Variants in RBM33 observed in about 807,000 individuals in gnomAD.
The protein encoded by RBM33 is RNA binding motif protein 33, also known as RNA-binding protein 33.
RBM33 carries 28 observed loss-of-function variants against 132.6 expected under a neutral mutation model. That is an observed-to-expected ratio of 0.21 (90% CI 0.16 to 0.29). The LOEUF is 0.29. Among genes scored for constraint, RBM33 ranks in the 10% least tolerant of loss-of-function variants. The pLI, the probability that RBM33 is intolerant of heterozygous loss-of-function variation, is 1.00. For missense variants in RBM33, 1,291 were observed against 1,518.5 expected (o/e 0.85, Z 2.49); for synonymous variants, 634 against 593.0 (o/e 1.07, Z -1.01).
chr7:155,672,025 C>T (rs367813479), intron 2 of RBM33, among the ~76,000 whole-genome samples: 23 of 152,070 alleles, frequency 1.5e-4, no homozygotes, highest in African/African-American at 3.9e-4. Flanking sequence ...ATCACTGATA[C>T]GACATCCATG....
chr7:155,691,530 C>T (rs1032669169), intron 5 of RBM33, among the ~76,000 whole-genome samples: 4 of 151,862 alleles, frequency 2.6e-5, no homozygotes, highest in African/African-American at 7.3e-5. Context: ...TTTATTCTTC[C>T]CTGATACTCT....
chr7:155,718,765 G>T (rs938436984), intron 9 of RBM33, among the ~76,000 whole-genome samples: 6 of 152,126 alleles, frequency 3.9e-5, no homozygotes, highest in Non-Finnish European at 7.3e-5. Context: ...GAGGTGGGGG[G>T]TGTATGTGTG....
chr7:155,714,162 CT>C (rs1169965396), intron 8 of RBM33, among the ~76,000 whole-genome samples: 31 of 152,112 alleles, frequency 2.0e-4, no homozygotes, highest in African/African-American at 7.0e-4. Flanking sequence ...GGTTGTGTGT[CT>C]CTGTCCAGCT....
At chr7:155,655,527 T>G (rs1379317254) in intron 1 of RBM33, among the ~76,000 whole-genome samples, 1 of 147,796 alleles carries the variant, frequency 6.8e-6, no homozygotes, top group East Asian at 2.0e-4. Context: ...GTATTAAGGC[T>G]GTTTGCCTTT....
chr7:155,658,423 T>C (rs1317506526), intron 1 of RBM33, among the ~76,000 whole-genome samples: 1 of 148,618 alleles, frequency 6.7e-6, no homozygotes, highest in Non-Finnish European at 1.5e-5. Context: ...AGTGTCTCTC[T>C]GTCGCCCAGG....
At chr7:155,659,732 A>G (rs944727584) in intron 1 of RBM33, among the ~76,000 whole-genome samples, 46 of 152,354 alleles carry the variant, frequency 3.0e-4, no homozygotes, top group African/African-American at 1.1e-3. Flanking sequence ...ATAGGAATCT[A>G]TACATCCAAG....
chr7:155,760,344 G>T (rs1048302163), intron 14 of RBM33, among the ~76,000 whole-genome samples: 2 of 152,310 alleles, frequency 1.3e-5, no homozygotes, highest in East Asian at 3.9e-4. Context: ...ACCTTCCACA[G>T]TCCATGCATT....
chr7:155,736,871 T>G (rs960335928), intron 9 of RBM33, among the ~76,000 whole-genome samples: 8 of 152,194 alleles, frequency 5.3e-5, no homozygotes, highest in Non-Finnish European at 1.0e-4. Flanking sequence ...AAAAATAATA[T>G]TCTTGCGTTA....
intron 14 of RBM33, among the ~76,000 whole-genome samples, chr7:155,752,637 TCA>T (rs1236914285): frequency 6.6e-6 from 1 of 152,148 alleles, no homozygotes; most frequent in African/African-American, 2.4e-5. Flanking sequence ...GAAACGTGCA[TCA>T]CATGCTTCTG....
intron 7 of RBM33, among the ~76,000 whole-genome samples, chr7:155,708,020 G>T (rs535846367): frequency 6.6e-6 from 1 of 152,270 alleles, no homozygotes; most frequent in East Asian, 1.9e-4. Flanking sequence ...AGTCTTCAAG[G>T]AAAAATTTAC....
At chr7:155,673,687 T>TATATACATACACACGTGTATATATATAC (rs1563137809) in intron 3 of RBM33, among the ~76,000 whole-genome samples, 1 of 125,386 alleles carries the variant, frequency 8.0e-6, no homozygotes, top group African/African-American at 3.4e-5. Context: ...TGTATATATA[T>TATATACATACACACGTGTATATATATAC]ACACACATAT....
chr7:155,751,739 A>G (rs1050579447), intron 14 of RBM33, among the ~76,000 whole-genome samples: 1 of 152,130 alleles, frequency 6.6e-6, no homozygotes, highest in Non-Finnish European at 1.5e-5. Flanking sequence ...GGTAAAAGTG[A>G]TGTTTGCCAA....
At chr7:155,682,413 T>G (rs1397994146) in intron 5 of RBM33, among the ~76,000 whole-genome samples, 10 of 152,220 alleles carry the variant, frequency 6.6e-5, no homozygotes, top group Admixed American at 6.5e-4. Flanking sequence ...TCTGCTTTAC[T>G]GGTGTGTTTG....
chr7:155,700,725 G>A (rs902983001), intron 5 of RBM33, 48 bp from the exon 6 acceptor site: 12 of 1,317,808 alleles, frequency 9.1e-6, no homozygotes, highest in Non-Finnish European at 1.3e-5. Flanking sequence ...TAATTCAAAA[G>A]AATATGAACT....
At chr7:155,645,180 G>A (rs994348391) in intron 1 of RBM33, 26 of 394,386 alleles carry the variant, frequency 6.6e-5, no homozygotes, top group African/African-American at 4.8e-4. Flanking sequence ...TAAGTGTCAG[G>A]CCCATCTCTG....
chr7:155,652,233 AG>A, intron 1 of RBM33, among the ~76,000 whole-genome samples: 1 of 152,332 alleles, frequency 6.6e-6, no homozygotes, highest in Non-Finnish European at 1.5e-5. Flanking sequence ...TTTTCTGTAA[AG>A]GGTCAGATAG....
In RBM33 at chr7:155,680,727, A is replaced by G. The variant is rs1799315601; in HGVS notation, c.386A>G (p.Tyr129Cys). ...EQEQGEDELV[Y>C]HKSDGSELYT... ...GAACAAGGAGAGGATGAACTGGTTT[A>G]TCACAAATCTGATGGATCAGAATTG... The change falls in exon 5 of 18, where the codon TAT becomes TGT. Residue 129 changes from tyrosine to cysteine, a missense_variant. By Grantham distance (194) the Tyr-to-Cys change is radical (BLOSUM62 -2). Around this residue, in one of 7 missense-constraint regions of RBM33, gnomAD observed 194 missense variants for 249.8 expected, o/e 0.78. Coordinates refer to ENST00000401878, the MANE Select transcript of RBM33 (RefSeq NM_053043.3). 2 of 1,613,414 alleles carry G rather than the reference A, an allele frequency of 1.2e-6. No individual in the cohort carries two copies. Among genetic ancestry groups the G allele is most frequent in the South Asian group, 2.2e-5 (2 of 90,988 alleles).
At chr7:155,722,569 C>T (rs762067171) in intron 9 of RBM33, among the ~76,000 whole-genome samples, 6 of 152,080 alleles carry the variant, frequency 3.9e-5, no homozygotes, top group Non-Finnish European at 8.8e-5. Flanking sequence ...AGCTGTAAGT[C>T]CTTATCTTAT....
chr7:155,764,100 C>T (rs756288899), intron 15 of RBM33, 82 bp downstream of exon 15: 4 of 1,096,764 alleles, frequency 3.6e-6, no homozygotes, highest in South Asian at 1.6e-5. Flanking sequence ...TAATTTGTAG[C>T]GCATGGCACA....
Sources: gnomAD v4.1 joint callset for allele counts (sites outside exome capture counted in the v4.1 genomes callset) on GRCh38, gnomAD v4.1.1 for gene constraint, gnomAD v4.1.1 regional missense constraint, MANE v1.5 for transcripts, NCBI Gene and HGNC (gene_info 2026-07-23, HGNC 2026-07-21) for gene names.